DDX6: variants seen among roughly 807,000 people sequenced by gnomAD.
DDX6 encodes DEAD-box helicase 6.
A neutral mutation model predicts 60.6 loss-of-function variants in DDX6; 7 were observed. The observed-to-expected ratio is 0.12, with a 90% CI of 0.07 to 0.22. The LOEUF (loss-of-function observed/expected upper bound fraction) is 0.22, where lower values mean the gene tolerates loss of function less well. Ranked by LOEUF, DDX6 falls within the 10% of genes least tolerant of loss-of-function variation. The probability of loss-of-function intolerance (pLI) is 1.00; values close to 1 mark genes in which losing one functional copy is unlikely to be tolerated. For missense variants in DDX6, 270 were observed against 589.9 expected (o/e 0.46, Z 5.62); for synonymous variants, 207 against 201.0 (o/e 1.03, Z -0.25).
intron 2 of DDX6, among the ~76,000 whole-genome samples, chr11:118,783,982 T>C (rs1235220285): frequency 1.4e-5 from 2 of 147,046 alleles, no homozygotes; most frequent in South Asian, 2.1e-4. Context: ...CCACTATTTG[T>C]AGGGCTGAGG....
chr11:118,758,257 A>T (rs1197536217), intron 9 of DDX6, among the ~76,000 whole-genome samples: 1 of 152,252 alleles, frequency 6.6e-6, no homozygotes, highest in Non-Finnish European at 1.5e-5. Context: ...AGTTAAGGTC[A>T]AAGTATTTCA....
chr11:118,762,480 C>T (rs782482335), intron 7 of DDX6, among the ~76,000 whole-genome samples: 1 of 118,882 alleles, frequency 8.4e-6, no homozygotes, highest in Non-Finnish European at 1.7e-5. Flanking sequence ...ACATGCTCCA[C>T]TTACCTTAGC....
chr11:118,761,861 G>GAAAAA (rs11296874), intron 7 of DDX6, among the ~76,000 whole-genome samples: 2 of 134,020 alleles, frequency 1.5e-5, no homozygotes, highest in African/African-American at 2.7e-5. Context: ...AAATTAAATG[G>GAAAAA]AAAAAAAAAA....
chr11:118,766,405 G>A (rs371488002), intron 5 of DDX6, among the ~76,000 whole-genome samples: 24 of 152,106 alleles, frequency 1.6e-4, no homozygotes, highest in African/African-American at 4.8e-4. Flanking sequence ...CCACACTCCA[G>A]AATGGGTGAC....
chr11:118,765,794 AAAT>A (rs1555161187), intron 5 of DDX6, among the ~76,000 whole-genome samples: 1 of 24,138 alleles, frequency 4.1e-5, no homozygotes, highest in African/African-American at 2.2e-4. Flanking sequence ...AAGAAAAAAA[AAAT>A]AGCCTAGGCA....
At chr11:118,781,523 A>G (rs782378689) in intron 2 of DDX6, among the ~76,000 whole-genome samples, 2 of 152,160 alleles carry the variant, frequency 1.3e-5, no homozygotes, top group Non-Finnish European at 2.9e-5. Flanking sequence ...AAACTGTAAG[A>G]TTTTATATAT....
intron 4 of DDX6, among the ~76,000 whole-genome samples, chr11:118,774,845 A>T (rs1485074372): frequency 1.3e-5 from 2 of 152,184 alleles, no homozygotes; most frequent in East Asian, 3.8e-4. Context: ...AAATGCCTGG[A>T]TAAAACTGTA....
chr11:118,778,641 T>C (rs1191459215), intron 4 of DDX6, among the ~76,000 whole-genome samples: 1 of 152,116 alleles, frequency 6.6e-6, no homozygotes, highest in African/African-American at 2.4e-5. Context: ...CCCAGATTGC[T>C]TATTCGTCTC....
intron 9 of DDX6, 134 bp from the exon 10 acceptor site, chr11:118,757,421 G>A (rs1320727374): frequency 2.0e-6 from 1 of 495,866 alleles, no homozygotes. Context: ...ATATGAGAGA[G>A]ATGGTAAATT....
chr11:118,774,171 G>C (rs1861624437), intron 4 of DDX6, among the ~76,000 whole-genome samples: 1 of 152,142 alleles, frequency 6.6e-6, no homozygotes, highest in South Asian at 2.1e-4. Flanking sequence ...TAGAAGCAAC[G>C]AGAGAGGCCA....
Position 118,748,775 on chromosome 11 carries a change from G to A in DDX6, c.*3330C>T, listed in dbSNP as rs983870162. 1.6e-5 allele frequency: 2 copies of A among 127,314 alleles called. No individual in the cohort carries two copies. The highest frequency in any genetic ancestry group is 3.1e-5 in the Non-Finnish European group (2 of 64,352). 7.9% of individuals were successfully genotyped at this position (127,314 alleles called of 1,614,324 possible). On this transcript the variant is annotated 3_prime_UTR_variant, in exon 14 of 14. Coordinates refer to ENST00000534980, the MANE Select transcript of DDX6 (RefSeq NM_004397.6). ...AAAAAAAATTAAAAAATTAAACCAC[G>A]TCATCAGAATGAGATGTTTTGATTC... is the stretch of plus-strand genomic sequence containing the variant.
chr11:118,749,088 T>C lies in DDX6; in HGVS notation c.*3017A>G, dbSNP rs1412912282. 3 of 152,014 alleles carry C rather than the reference T, an allele frequency of 2.0e-5. No homozygotes were observed. The highest frequency in any genetic ancestry group is 2.9e-5 in the Non-Finnish European group (2 of 68,016). The allele number at this position is 152,014 out of a possible 1,614,324, so 9.4% of individuals were successfully genotyped here. A position where few individuals can be genotyped will look rare whatever the true frequency, so the allele number is the denominator to read the frequency against. On this transcript the variant is annotated 3_prime_UTR_variant, in exon 14 of 14. Coordinates refer to ENST00000534980, the MANE Select transcript of DDX6 (RefSeq NM_004397.6). ...TATGGGAGAGGCAAAACAGTATTTA[T>C]CCCCATCAGAATATATGGGGAAAGA...
At chr11:118,754,655 T>C in intron 13 of DDX6, 50 bp downstream of exon 13, 2 of 1,508,150 alleles carry the variant, frequency 1.3e-6, no homozygotes, top group South Asian at 2.6e-5. Context: ...AAGAAGATTT[T>C]GATTTCCCTC....
intron 5 of DDX6, among the ~76,000 whole-genome samples, chr11:118,766,119 G>A (rs1035562585): frequency 6.6e-6 from 1 of 151,920 alleles, no homozygotes; most frequent in South Asian, 2.1e-4. Flanking sequence ...TCTAGATACC[G>A]AGATGTATTA....
chr11:118,756,435 CCA>C (rs1860978870), intron 10 of DDX6, 112 bp from the exon 11 acceptor site: 15 of 735,820 alleles, frequency 2.0e-5, no homozygotes, highest in South Asian at 2.0e-4. Context: ...TATAAGTGAT[CCA>C]TGATATTAAG....
At position 118,750,239 on chromosome 11, in the gene DDX6, G is replaced by A. The variant is rs540468560; in HGVS notation, c.*1866C>T. On this transcript the variant is annotated 3_prime_UTR_variant, in exon 14 of 14. Transcript: ENST00000534980. ...TGCCTCCTGATTGACCTAGTACACT[G>A]GGTTAAAAGGGAATTAAAAACATTA... The A allele has an allele frequency of 3.3e-5, 5 of 151,850 alleles. No individual in the cohort carries two copies. The Admixed American group carries it at 3.3e-4, about 10-fold the overall frequency. 9.4% of individuals were successfully genotyped at this position (151,850 alleles called of 1,614,324 possible).
chr11:118,771,364 T>C (rs1444152988), intron 4 of DDX6, among the ~76,000 whole-genome samples: 2 of 152,206 alleles, frequency 1.3e-5, no homozygotes, highest in Non-Finnish European at 2.9e-5. Flanking sequence ...TTTGCCCTCT[T>C]TGACAGGGAT....
rs376979325 is a variant in DDX6, at chr11:118,763,224, T to G, written c.729A>C (p.Ile243=). The G allele has an allele frequency of 9.2e-5, 147 of 1,603,780 alleles. 1 individual carries two copies. In the South Asian group the frequency reaches 1.6e-3, roughly 17 times the overall value. ...GAAGAGACATTACCTCATCCAATAC[T>G]ATCATCTGGACATGATCAACCTTTG... ...GVAKVDHVQM[I]VLDEADKLLS... Residue 243 remains isoleucine (I), a synonymous_variant, in exon 7 of 14, where the codon ATA becomes ATC. Coordinates refer to ENST00000534980, the MANE Select transcript of DDX6 (RefSeq NM_004397.6).
At chr11:118,755,288 G>T in intron 12 of DDX6, 114 bp downstream of exon 12, 1 of 648,694 alleles carries the variant, frequency 1.5e-6, no homozygotes. Context: ...CTGAATTACT[G>T]TTAATTCACT....
Sources: allele counts gnomAD v4.1 joint callset (sites outside exome capture counted in the v4.1 genomes callset), GRCh38; gene constraint gnomAD v4.1.1; transcripts MANE v1.5; gene names NCBI Gene and HGNC (gene_info 2026-07-23, HGNC 2026-07-21).